ART3: variants seen among roughly 807,000 people sequenced by gnomAD.
ART3 encodes the protein ADP-ribosyltransferase 3 (inactive).
ART3 carries 49 observed loss-of-function variants against 48.5 expected under a neutral mutation model. The ratio of observed to expected loss-of-function variants is 1.01; its 90% CI spans 0.80 to 1.28. The LOEUF is 1.28. Among genes scored for constraint, ART3 ranks in the 50% most tolerant of loss-of-function variants. The pLI, the probability that ART3 is intolerant of heterozygous loss-of-function variation, is 0.00. For synonymous variants in ART3, 145 were observed against 157.2 expected (o/e 0.92, Z 0.58); for missense variants, 438 against 454.3 (o/e 0.96, Z 0.33).
intron 1 of ART3, among the ~76,000 whole-genome samples, chr4:76,062,995 G>A (rs1335984650): frequency 1.3e-5 from 2 of 151,882 alleles, no homozygotes; most frequent in Non-Finnish European, 2.9e-5. Flanking sequence ...CCTCCTTCAG[G>A]TTTTTGCTAA....
chr4:76,087,111 A>G (rs1347385904), intron 3 of ART3, among the ~76,000 whole-genome samples: 1 of 152,190 alleles, frequency 6.6e-6, no homozygotes, highest in African/African-American at 2.4e-5. Flanking sequence ...CAGTGGCTAC[A>G]AGCTAAATGT....
intron 11 of ART3, chr4:76,111,880 CAATT>C (rs1488205087): frequency 1.3e-5 from 2 of 152,558 alleles, no homozygotes; most frequent in African/African-American, 4.8e-5. Flanking sequence ...ATGTGCTAAT[CAATT>C]ATTTTTATCT....
intron 5 of ART3, among the ~76,000 whole-genome samples, chr4:76,099,857 T>TA (rs1347032023): frequency 6.6e-6 from 1 of 152,266 alleles, no homozygotes; most frequent in East Asian, 1.9e-4. Context: ...CCAGCCTTTT[T>TA]AAAACATGCA....
chr4:76,022,051 T>C, intron 1 of ART3: 2 of 1,109,020 alleles, frequency 1.8e-6, no homozygotes, highest in Non-Finnish European at 2.8e-6. Context: ...ATAACTGAGC[T>C]TTCCTGCTGC....
chr4:76,065,381 T>A (rs1452690924), intron 1 of ART3, among the ~76,000 whole-genome samples: 1 of 152,172 alleles, frequency 6.6e-6, no homozygotes, highest in African/African-American at 2.4e-5. Context: ...CTTTGGGATG[T>A]GGGAGGAAAC....
intron 2 of ART3, among the ~76,000 whole-genome samples, chr4:76,077,900 T>C (rs549927970): frequency 3.3e-4 from 51 of 152,350 alleles, no homozygotes; most frequent in African/African-American, 1.1e-3. Context: ...TCGTAGAGGA[T>C]ATGAAGTGGT....
intron 1 of ART3, among the ~76,000 whole-genome samples, chr4:76,029,890 C>G (rs747242512): frequency 1.4e-5 from 2 of 145,788 alleles, no homozygotes; most frequent in African/African-American, 2.6e-5. Context: ...AAAATCGAAT[C>G]TGCAGTTTTT....
intron 1 of ART3, among the ~76,000 whole-genome samples, chr4:76,029,295 AT>A (rs1194146753): frequency 2.0e-5 from 3 of 152,176 alleles, no homozygotes; most frequent in Non-Finnish European, 4.4e-5. Flanking sequence ...CTAAGTCAGG[AT>A]TTATTATATA....
intron 1 of ART3, among the ~76,000 whole-genome samples, chr4:76,066,870 C>G (rs1719785932): frequency 6.6e-6 from 1 of 152,170 alleles, no homozygotes. Context: ...GAGCAGGAGC[C>G]AACAGCAGGG....
upstream of ART3, among the ~76,000 whole-genome samples, chr4:76,070,464 T>C (rs1324912713): frequency 6.6e-6 from 1 of 152,242 alleles, no homozygotes; most frequent in Non-Finnish European, 1.5e-5. Flanking sequence ...TTGTCATTTA[T>C]ATATCTTCCT....
chr4:76,082,358 T>C lies in ART3; in HGVS notation c.604T>C (p.Ser202Pro). The part of the protein sequence containing the change: ...QAANDQLTVL[S>P]IYTCLGVDIE... ...TGCTAATGACCAGCTCACTGTGTTA[T>C]CCATCTACACATGCCTTGGAGTTGA... The change falls in exon 3 of 12, where the codon TCC (serine) becomes CCC (proline). Residue 202 changes from serine to proline, a missense_variant. Transcript: ENST00000355810. 2 of 1,613,726 alleles carry C rather than the reference T, an allele frequency of 1.2e-6. No homozygotes were observed. Among genetic ancestry groups the C allele is most frequent in the South Asian group, 1.1e-5 (1 of 91,068 alleles).
intron 1 of ART3, among the ~76,000 whole-genome samples, chr4:76,048,769 C>T (rs892938548): frequency 2.0e-5 from 3 of 151,766 alleles, no homozygotes; most frequent in Non-Finnish European, 4.4e-5. Flanking sequence ...GCACCCTTGC[C>T]TGTCTTCCTA....
chr4:76,045,221 C>T (rs946416289), intron 1 of ART3, among the ~76,000 whole-genome samples: 1 of 151,976 alleles, frequency 6.6e-6, no homozygotes, highest in African/African-American at 2.4e-5. Flanking sequence ...AAGAGATCAT[C>T]TCGGGCGGCA....
chr4:76,034,746 A>T, intron 1 of ART3: 1 of 1,371,442 alleles, frequency 7.3e-7, no homozygotes, highest in Non-Finnish European at 1.0e-6. Context: ...AACTTGTTCT[A>T]GGTTTTTCAG....
upstream of ART3, among the ~76,000 whole-genome samples, chr4:76,072,224 T>A (rs2149507639): frequency 6.6e-6 from 1 of 152,372 alleles, no homozygotes; most frequent in Non-Finnish European, 1.5e-5. Flanking sequence ...GATATCTTTA[T>A]AGATCATTTC....
At chr4:76,017,205 TGA>T (rs930468822) in intron 1 of ART3, among the ~76,000 whole-genome samples, 5 of 151,530 alleles carry the variant, frequency 3.3e-5, no homozygotes, top group African/African-American at 1.2e-4. Context: ...CCAGCATATC[TGA>T]GTCTCACCCA....
Position 76,082,070 on chromosome 4 carries a change from C to G in ART3, c.316C>G (p.Gln106Glu). ...IALMAYISEA[Q>E]EQTPFYHLFS... Reference sequence around the variant, plus strand: ...CCTGATGGCATATATTTCCGAAGCTCAAGAGCAAACTCCCTTTTACCATCT... The same window carrying G: ...CCTGATGGCATATATTTCCGAAGCTGAAGAGCAAACTCCCTTTTACCATCT... The change falls in exon 3 of 12, where the codon CAA becomes GAA. Residue 106 changes from glutamine to glutamate, a missense_variant. By Grantham distance (29) the Gln-to-Glu change is conservative (BLOSUM62 2). Coordinates refer to ENST00000355810, the MANE Select transcript of ART3 (RefSeq NM_001130016.3). 2 of 1,614,196 alleles carry G rather than the reference C, an allele frequency of 1.2e-6. No homozygotes were observed. Among genetic ancestry groups the G allele is most frequent in the Non-Finnish European group, 1.7e-6 (2 of 1,180,038 alleles).
chr4:76,041,445 T>G (rs1734965625), intron 1 of ART3: 1 of 152,240 alleles, frequency 6.6e-6, no homozygotes, highest in African/African-American at 2.4e-5. Context: ...TATCGTGGTA[T>G]CTTCTTGACC....
chr4:76,077,064 C>G (rs915373335), intron 2 of ART3, among the ~76,000 whole-genome samples: 3 of 152,040 alleles, frequency 2.0e-5, no homozygotes, highest in Non-Finnish European at 4.4e-5. Flanking sequence ...CCATTTTTAG[C>G]TGTATACTTC....
Sources: allele counts gnomAD v4.1 joint callset (sites outside exome capture counted in the v4.1 genomes callset), GRCh38; gene constraint gnomAD v4.1.1; transcripts MANE v1.5; gene names NCBI Gene and HGNC (gene_info 2026-07-23, HGNC 2026-07-21).